Variants in KIAA0040 observed in about 807,000 individuals in gnomAD.
The protein encoded by KIAA0040 is KIAA0040.
Under a neutral mutation model 7.2 loss-of-function variants are expected in KIAA0040, and 10 were observed. That is an observed-to-expected ratio of 1.38 (90% confidence interval 0.85 to 2.34). The LOEUF is 2.34. Ranked by LOEUF, KIAA0040 falls within the 30% of genes most tolerant of loss-of-function variation. KIAA0040 has a pLI of 0.00. For synonymous variants in KIAA0040, 49 were observed against 40.1 expected (o/e 1.22, Z -0.84); for missense variants, 89 against 108.2 (o/e 0.82, Z 0.79).
rs1676465103 is a variant in KIAA0040, at chr1:175,160,034, T to TTGGTG, written c.*675_*679dup. On this transcript the variant is annotated 3_prime_UTR_variant, in exon 4 of 4. Coordinates refer to ENST00000423313, the MANE Select transcript of KIAA0040 (RefSeq NM_014656.3). ...GGTGAGGGGTCAGAGGCACAGAAAC[T>TTGGTG]TGGTGTGTCTGTATCAAGACACACA... 1 of 153,630 alleles carries TTGGTG rather than the reference T, an allele frequency of 6.5e-6. No homozygotes were observed. Among genetic ancestry groups the TTGGTG allele is most frequent in the Non-Finnish European group, 1.5e-5 (1 of 68,076 alleles). The allele number at this position is 153,630 out of a possible 1,614,324, so 9.5% of individuals were successfully genotyped here. A position where few individuals can be genotyped will look rare whatever the true frequency, so the allele number is the denominator to read the frequency against.
chr1:175,170,430 T>C (rs1266962198), intron 2 of KIAA0040, among the ~76,000 whole-genome samples: 1 of 152,176 alleles, frequency 6.6e-6, no homozygotes, highest in Non-Finnish European at 1.5e-5. Context: ...CAACCCTCGC[T>C]TGGCTGCTCA....
At chr1:175,188,820 C>T (rs142498773) in intron 1 of KIAA0040, among the ~76,000 whole-genome samples, 2 of 152,280 alleles carry the variant, frequency 1.3e-5, no homozygotes, top group Admixed American at 6.5e-5. Flanking sequence ...CCTAGTTTGT[C>T]CTGGAGGCCA....
At position 175,186,086 on chromosome 1, in the gene KIAA0040, G is replaced by A. The variant is rs188358492; in HGVS notation, c.-384+6554C>T. Among the ~76,000 whole-genome samples, 346 of 152,286 alleles carry A rather than the reference G, an allele frequency of 2.3e-3. 3 individuals are homozygous for A. Among genetic ancestry groups the A allele is most frequent in the Admixed American group, 4.1e-3 (63 of 15,296 alleles). ...TGGTTATGGGTTTTTATTTTGGGGTGATGAAAATGTTTTGAAACTAGATGG... is the reference window on the plus strand; with the variant it reads ...TGGTTATGGGTTTTTATTTTGGGGTAATGAAAATGTTTTGAAACTAGATGG... On this transcript the variant is annotated intron_variant, in intron 1 of 3. Coordinates refer to ENST00000423313, the MANE Select transcript of KIAA0040 (RefSeq NM_014656.3).
chr1:175,173,418 G>A (rs1015631778), intron 2 of KIAA0040, among the ~76,000 whole-genome samples: 1 of 152,164 alleles, frequency 6.6e-6, no homozygotes, highest in Non-Finnish European at 1.5e-5. Context: ...TACAGACATG[G>A]TCTCATTCAA....
At chr1:175,161,684 G>A (rs543898657) in intron 3 of KIAA0040, among the ~76,000 whole-genome samples, 3 of 152,114 alleles carry the variant, frequency 2.0e-5, no homozygotes, top group Non-Finnish European at 4.4e-5. Flanking sequence ...GGGCTAAGAG[G>A]TCATCAGTCC....
chr1:175,175,785 C>G (rs939517194), intron 2 of KIAA0040, among the ~76,000 whole-genome samples: 7 of 152,020 alleles, frequency 4.6e-5, no homozygotes, highest in Non-Finnish European at 8.8e-5. Flanking sequence ...GACAAAAAAC[C>G]AAACACCTCA....
At chr1:175,164,241 A>C (rs1376554544) in intron 3 of KIAA0040, among the ~76,000 whole-genome samples, 1 of 152,198 alleles carries the variant, frequency 6.6e-6, no homozygotes, top group Non-Finnish European at 1.5e-5. Context: ...AAGTTCTTTA[A>C]ATCTCCTTAT....
chr1:175,177,490 T>A (rs887326294), intron 2 of KIAA0040, 121 bp downstream of exon 2: 5 of 152,220 alleles, frequency 3.3e-5, no homozygotes, highest in African/African-American at 1.2e-4. Flanking sequence ...CTTTGACTTT[T>A]ACCTGATTTT....
chr1:175,186,959 G>T (rs566990411), intron 1 of KIAA0040, among the ~76,000 whole-genome samples: 1 of 152,314 alleles, frequency 6.6e-6, no homozygotes, highest in South Asian at 2.1e-4. Flanking sequence ...TGCTGTGCTG[G>T]CAACTGCTAC....
chr1:175,191,651 T>C (rs1463744183), intron 1 of KIAA0040, among the ~76,000 whole-genome samples: 2 of 152,230 alleles, frequency 1.3e-5, no homozygotes, highest in Non-Finnish European at 2.9e-5. Context: ...CAATGCTATG[T>C]TTAAGTCCTG....
At chr1:175,192,817 G>GGCCCCCCCCCCC, upstream of KIAA0040, 1 of 123,538 alleles carries the variant, frequency 8.1e-6, no homozygotes. Flanking sequence ...CGTGGGAGCC[G>GGCCCCCCCCCCC]CCCGCCCCGC....
intron 2 of KIAA0040, among the ~76,000 whole-genome samples, chr1:175,176,697 T>TTTTTTTTTTTTTTTTTC (rs1677211005): frequency 1.5e-5 from 2 of 130,276 alleles, no homozygotes; most frequent in Non-Finnish European, 3.2e-5. Context: ...TTTTTTTTTT[T>TTTTTTTTTTTTTTTTTC]TTTGCTTCAG....
rs897990649 is a variant in KIAA0040 at position 175,167,416 on chromosome 1, A to C, written c.-309-679T>G. 2.0e-5 allele frequency among the ~76,000 whole-genome samples: 3 copies of C among 152,052 alleles called. No individual in the cohort carries two copies. In the East Asian group the frequency reaches 5.8e-4, roughly 29 times the overall value. On this transcript the variant is annotated intron_variant, in intron 2 of 3. Coordinates refer to ENST00000423313, the MANE Select transcript of KIAA0040 (RefSeq NM_014656.3). ...GCTTTTTATTAGATGAACAAATTAGACCCATTGCTGTCCCTGAAAAGGACC... is the reference window on the plus strand; with the variant it reads ...GCTTTTTATTAGATGAACAAATTAGCCCCATTGCTGTCCCTGAAAAGGACC...
At chr1:175,181,262 A>G (rs966160620) in intron 1 of KIAA0040, among the ~76,000 whole-genome samples, 3 of 152,098 alleles carry the variant, frequency 2.0e-5, no homozygotes, top group Non-Finnish European at 4.4e-5. Context: ...TCACTACCTC[A>G]CTGCTATTAC....
At chr1:175,192,172 GT>G (rs1407883713) in intron 1 of KIAA0040, among the ~76,000 whole-genome samples, 1 of 152,094 alleles carries the variant, frequency 6.6e-6, no homozygotes, top group Non-Finnish European at 1.5e-5. Context: ...TAGCAAACAG[GT>G]TTCCTCTCCG....
At chr1:175,187,741 TG>T (rs1221401368) in intron 1 of KIAA0040, among the ~76,000 whole-genome samples, 1 of 139,170 alleles carries the variant, frequency 7.2e-6, no homozygotes, top group Non-Finnish European at 1.6e-5. Context: ...CCTCTTTCCC[TG>T]CCCCTACACC....
intron 2 of KIAA0040, among the ~76,000 whole-genome samples, chr1:175,169,652 C>T (rs555308991): frequency 2.0e-5 from 3 of 152,286 alleles, no homozygotes; most frequent in African/African-American, 7.2e-5. Context: ...GGCATTTTCT[C>T]TTTTCTCTAG....
At chr1:175,179,717 C>T (rs1677361956) in intron 1 of KIAA0040, among the ~76,000 whole-genome samples, 1 of 152,186 alleles carries the variant, frequency 6.6e-6, no homozygotes, top group African/African-American at 2.4e-5. Flanking sequence ...TTTTTAAAGG[C>T]TTCTGAAAAC....
chr1:175,172,432 A>G (rs538996658), intron 2 of KIAA0040, among the ~76,000 whole-genome samples: 1 of 152,358 alleles, frequency 6.6e-6, no homozygotes, highest in East Asian at 1.9e-4. Context: ...TAAAAAAATT[A>G]GCCAAGTGTG....
Sources: allele counts gnomAD v4.1 joint callset (sites outside exome capture counted in the v4.1 genomes callset), GRCh38; gene constraint gnomAD v4.1.1; transcripts MANE v1.5; gene names NCBI Gene and HGNC (gene_info 2026-07-23, HGNC 2026-07-21).